The following ZNF571 variants were observed in gnomAD, a reference collection of about 807,000 sequenced individuals.
ZNF571 encodes the protein zinc finger protein 571.
ZNF571 carries 4 observed loss-of-function variants against 7.7 expected under a neutral mutation model. The ratio of observed to expected loss-of-function variants is 0.52; its 90% confidence interval spans 0.25 to 1.18. The LOEUF is 1.18. Ranked by LOEUF, ZNF571 falls within the 50% of genes most tolerant of loss-of-function variation. The pLI, the probability that ZNF571 is intolerant of heterozygous loss-of-function variation, is 0.14. For missense variants in ZNF571, 704 were observed against 726.9 expected (o/e 0.97, Z 0.36); for synonymous variants, 251 against 232.4 (o/e 1.08, Z -0.73).
At chr19:37,570,475 G>C (rs943641758) in intron 3 of ZNF571, among the ~76,000 whole-genome samples, 1 of 152,048 alleles carries the variant, frequency 6.6e-6, no homozygotes, top group Non-Finnish European at 1.5e-5. Flanking sequence ...CAAGGAATCA[G>C]ATATACAAAA....
Position 37,565,598 on chromosome 19 carries a change from T to C in ZNF571, c.830A>G (p.Lys277Arg). The C allele has an allele frequency of 1.2e-6, 2 of 1,613,446 alleles. No individual in the cohort carries two copies. The highest frequency in any genetic ancestry group is 8.5e-7 in the Non-Finnish European group (1 of 1,179,808). Residue 277 changes from lysine to arginine, a missense_variant, in exon 4 of 4, where the codon AAA (lysine) becomes AGA (arginine). By Grantham distance (26) the Lys-to-Arg change is conservative (BLOSUM62 2). Transcript: ENST00000451802. ...TLHQRIHSGE[K>R]PYECKDCGKA... ...CCCACAATCCTTACATTCATAGGGT[T>C]TTTCACCACTATGAATTCTCTGATG...
In ZNF571 at chr19:37,564,694, C is replaced by T. The variant is rs368571989; in HGVS notation, c.1734G>A (p.Arg578=). The change falls in exon 4 of 4, where the codon AGG becomes AGA. Residue 578 remains arginine (R), a synonymous_variant. Coordinates refer to ENST00000451802, the MANE Select transcript of ZNF571 (RefSeq NM_016536.5). The part of the protein sequence containing the change: ...SRGSELTLHQ[R]IHTGEKPYTC... Reference sequence around the variant, plus strand: ...TATAGGGTTTCTCACCAGTATGGATCCTTTGATGCAGAGTAAGTTCTGAGC... The same window carrying T: ...TATAGGGTTTCTCACCAGTATGGATTCTTTGATGCAGAGTAAGTTCTGAGC... 114 of 1,613,490 alleles carry T rather than the reference C, an allele frequency of 7.1e-5. No individual in the cohort carries two copies. In the African/African-American group the frequency reaches 1.3e-3, roughly 19 times the overall value.
At chr19:37,583,784 C>T in intron 3 of ZNF571, 187 bp downstream of exon 3, 1 of 522,584 alleles carries the variant, frequency 1.9e-6, no homozygotes, top group Non-Finnish European at 3.3e-6. Context: ...GAGACACTGA[C>T]AGGAAGTGAC....
At chr19:37,591,055 A>G (rs1182281692) in intron 1 of ZNF571, among the ~76,000 whole-genome samples, 1 of 149,828 alleles carries the variant, frequency 6.7e-6, no homozygotes, top group Admixed American at 6.6e-5. Flanking sequence ...TGTCTGAACT[A>G]TTATTATAAA....
intron 3 of ZNF571, among the ~76,000 whole-genome samples, chr19:37,566,837 A>G: frequency 6.6e-6 from 1 of 152,160 alleles, no homozygotes; most frequent in Non-Finnish European, 1.5e-5. Context: ...AATCTTCCCT[A>G]TTAATGGTCT....
At chr19:37,593,604 T>G (rs373607586) in intron 1 of ZNF571, among the ~76,000 whole-genome samples, 2 of 151,980 alleles carry the variant, frequency 1.3e-5, no homozygotes, top group Non-Finnish European at 2.9e-5. Context: ...TCGGGAGGCT[T>G]AGGCAGGAGA....
At chr19:37,585,564 T>C (rs1324882810) in intron 2 of ZNF571, 1 of 152,186 alleles carries the variant, frequency 6.6e-6, no homozygotes, top group Non-Finnish European at 1.5e-5. Flanking sequence ...TTTTTTCTAA[T>C]TTCCCTTAAA....
chr19:37,565,909 C>A lies in ZNF571; in HGVS notation c.519G>T (p.Arg173Ser). Residue 173 changes from arginine to serine, a missense_variant, in exon 4 of 4, where the codon AGG (arginine) becomes AGT (serine). Arg to Ser is a moderately radical substitution (Grantham distance 110, BLOSUM62 -1). Transcript: ENST00000451802. ...AGCTTGGCTTTTTGCTAAAGGTATT[C>A]CTGTGTTTCTTAACTTCAGAGCATT... is the stretch of plus-strand genomic sequence containing the variant. ...IEKCSEVKKH[R>S]NTFSKKPSYI... The A allele has an allele frequency of 6.2e-7, 1 of 1,613,778 alleles. No homozygotes were observed. Among genetic ancestry groups the A allele is most frequent in the African/African-American group, 1.3e-5 (1 of 74,990 alleles).
chr19:37,565,786 C>T lies in ZNF571; in HGVS notation c.642G>A (p.Gln214=), dbSNP rs756222273. 77 of 1,613,680 alleles carry T rather than the reference C, an allele frequency of 4.8e-5. No individual in the cohort carries two copies. The highest frequency in any genetic ancestry group is 9.3e-6 in the Non-Finnish European group (11 of 1,179,890). The change falls in exon 4 of 4, where the codon CAG becomes CAA. Residue 214 remains glutamine (Q), a synonymous_variant. Coordinates refer to ENST00000451802, the MANE Select transcript of ZNF571 (RefSeq NM_016536.5). ...AAGGTTTTTCATTAGTATGAATTTT[C>T]TGATGTTGAATGAGATCAGAAGTAC... is the stretch of plus-strand genomic sequence containing the variant. ...FGRTSDLIQH[Q]KIHTNEKPYQ... is the part of the protein sequence containing the mutation.
chr19:37,586,049 AT>A (rs1311635897), intron 2 of ZNF571: 2 of 152,322 alleles, frequency 1.3e-5, no homozygotes, highest in African/African-American at 4.8e-5. Flanking sequence ...ATACTATGAT[AT>A]TAGCCCTTTC....
intron 3 of ZNF571, among the ~76,000 whole-genome samples, chr19:37,571,361 T>A (rs1245079911): frequency 1.3e-5 from 2 of 151,906 alleles, no homozygotes; most frequent in Non-Finnish European, 2.9e-5. Context: ...ACAGGGATGG[T>A]GGCAGGCACC....
At chr19:37,566,972 C>T (rs112899547) in intron 3 of ZNF571, among the ~76,000 whole-genome samples, 15 of 152,252 alleles carry the variant, frequency 9.9e-5, no homozygotes, top group African/African-American at 3.6e-4. Context: ...TCACTTACCA[C>T]TCCCCTAATT....
At chr19:37,590,963 A>G (rs1041057800) in intron 1 of ZNF571, among the ~76,000 whole-genome samples, 1 of 152,248 alleles carries the variant, frequency 6.6e-6, no homozygotes, top group Non-Finnish European at 1.5e-5. Context: ...AACGTAAATT[A>G]TATTAATGTT....
intron 3 of ZNF571, among the ~76,000 whole-genome samples, chr19:37,570,410 C>T (rs958103496): frequency 2.6e-5 from 4 of 152,182 alleles, no homozygotes; most frequent in East Asian, 1.9e-4. Flanking sequence ...CCCTCCACCT[C>T]GCTTCACCTA....
intron 1 of ZNF571, among the ~76,000 whole-genome samples, chr19:37,591,694 G>A (rs1209862493): frequency 1.3e-5 from 2 of 152,054 alleles, no homozygotes; most frequent in Non-Finnish European, 2.9e-5. Flanking sequence ...ACAGGAATGT[G>A]CCACCATGCC....
At chr19:37,587,769 T>C (rs917600192) in intron 1 of ZNF571, among the ~76,000 whole-genome samples, 4 of 152,106 alleles carry the variant, frequency 2.6e-5, no homozygotes, top group Non-Finnish European at 5.9e-5. Flanking sequence ...ACTAAGATTT[T>C]GTCCTCCCCG....
At chr19:37,590,073 A>G (rs1280486969) in intron 1 of ZNF571, among the ~76,000 whole-genome samples, 1 of 149,920 alleles carries the variant, frequency 6.7e-6, no homozygotes, top group East Asian at 2.0e-4. Context: ...TTGATCCTAG[A>G]TATGATTTTG....
intron 1 of ZNF571, among the ~76,000 whole-genome samples, chr19:37,588,345 A>G (rs765430152): frequency 4.6e-5 from 7 of 152,204 alleles, no homozygotes; most frequent in Non-Finnish European, 1.0e-4. Context: ...AGATTTCAAA[A>G]TACCACTCCT....
rs750548295 is a variant in ZNF571, at chr19:37,565,699, T to C, written c.729A>G (p.Arg243=). ...CATATGGTTTCTCTCCTGTATGAACTCTCTGATGTTCAGTGAGCTGTGAAC... is the reference window on the plus strand; with the variant it reads ...CATATGGTTTCTCTCCTGTATGAACCCTCTGATGTTCAGTGAGCTGTGAAC... ...IRGSQLTEHQ[R]VHTGEKPYEC... The change falls in exon 4 of 4, where the codon AGA becomes AGG. Residue 243 remains arginine (R), a synonymous_variant. Coordinates refer to ENST00000451802, the MANE Select transcript of ZNF571 (RefSeq NM_016536.5). 2 of 1,613,904 alleles carry C rather than the reference T, an allele frequency of 1.2e-6. No homozygotes were observed. The highest frequency in any genetic ancestry group is 2.7e-5 in the African/African-American group (2 of 75,050).
Sources: allele counts gnomAD v4.1 joint callset (sites outside exome capture counted in the v4.1 genomes callset), GRCh38; gene constraint gnomAD v4.1.1; transcripts MANE v1.5; gene names NCBI Gene and HGNC (gene_info 2026-07-23, HGNC 2026-07-21).